WNK1: variants seen among roughly 807,000 people sequenced by gnomAD.
WNK1 encodes serine/threonine-protein kinase WNK1.
A neutral mutation model predicts 222.8 loss-of-function variants in WNK1; 38 were observed. The ratio of observed to expected loss-of-function variants is 0.17; its 90% CI spans 0.13 to 0.22. The LOEUF is 0.22. Among genes scored for constraint, WNK1 ranks in the 10% least tolerant of loss-of-function variants. The pLI is 1.00. For missense variants in WNK1, 2,348 were observed against 2,918.4 expected, an observed-to-expected ratio of 0.80 and a Z score of 4.50; for synonymous variants, 1,090 against 1,092.9, an observed-to-expected ratio of 1.00 and a Z score of 0.05.
At chr12:842,990 T>C (rs1451586307) in intron 4 of WNK1, among the ~76,000 whole-genome samples, 1 of 152,156 alleles carries the variant, frequency 6.6e-6, no homozygotes, top group Non-Finnish European at 1.5e-5. Context: ...GGTTGGAATG[T>C]AGTGGCATGA....
Position 880,845 on chromosome 12 carries a change from C to T in WNK1, c.2957C>T (p.Ala986Val). The change falls in exon 12 of 28, where the codon GCT (alanine) becomes GTT (valine). Residue 986 changes from alanine (A) to valine (V), a missense_variant. Around this residue, in one of 13 missense-constraint regions of WNK1, gnomAD observed 547 missense variants for 558.3 expected, o/e 0.98. Coordinates refer to ENST00000315939, the MANE Select transcript of WNK1 (RefSeq NM_018979.4). ...CCTCCCATGCCGACAGAAGTACTGG[C>T]TACACCTGGGTACTTTCCCACAGTG... ...LSPPMPTEVLATPGYFPTVVQ... is the reference protein window; with the variant it reads ...LSPPMPTEVLVTPGYFPTVVQ... The T allele has an allele frequency of 3.1e-6, 5 of 1,614,108 alleles. No homozygotes were observed. The highest frequency in any genetic ancestry group is 4.2e-6 in the Non-Finnish European group (5 of 1,180,022).
chr12:770,765 T>C (rs1277475154), intron 1 of WNK1, among the ~76,000 whole-genome samples: 1 of 152,234 alleles, frequency 6.6e-6, no homozygotes, highest in Non-Finnish European at 1.5e-5. Flanking sequence ...TTAAGAAAAT[T>C]GGAATCCTCA....
Position 900,492 on chromosome 12 carries a change from G to C in WNK1, c.6465G>C (p.Gln2155His). Residue 2155 changes from glutamine to histidine, a missense_variant, in exon 26 of 28, where the codon CAG becomes CAC. Coordinates refer to ENST00000315939, the MANE Select transcript of WNK1 (RefSeq NM_018979.4). ...TTTTGGCAGGTAACCTGTCTGGTCA[G>C]AGTGCAGCTTCAGTCTTGCACCCCC... ...SPQLSGNLSG[Q>H]SAASVLHPQQ... 1 of 1,614,214 alleles carries C rather than the reference G, an allele frequency of 6.2e-7. No homozygotes were observed. Among genetic ancestry groups the C allele is most frequent in the Non-Finnish European group, 8.5e-7 (1 of 1,180,024 alleles).
intron 4 of WNK1, among the ~76,000 whole-genome samples, chr12:849,739 C>G (rs1188521987): frequency 1.3e-5 from 2 of 151,916 alleles, no homozygotes; most frequent in Admixed American, 1.3e-4. Context: ...CACAACAGGC[C>G]CCGGTGTGTG....
chr12:813,956 C>T (rs1947118268), intron 2 of WNK1, 142 bp downstream of exon 2: 2 of 869,830 alleles, frequency 2.3e-6, no homozygotes, highest in East Asian at 2.7e-5. Flanking sequence ...TAGCATATTT[C>T]CTTGCCCACA....
intron 1 of WNK1, among the ~76,000 whole-genome samples, chr12:757,355 CT>C (rs1940254314): frequency 2.4e-5 from 3 of 124,668 alleles, no homozygotes; most frequent in South Asian, 2.7e-4. Flanking sequence ...GAGACGGAGT[CT>C]TGCTCTATCT....
At chr12:855,011 G>A (rs1950677274) in intron 4 of WNK1, among the ~76,000 whole-genome samples, 1 of 152,166 alleles carries the variant, frequency 6.6e-6, no homozygotes, top group Non-Finnish European at 1.5e-5. Flanking sequence ...CCACAGACGT[G>A]GAAACCATGA....
At chr12:908,198 C>A in intron 27 of WNK1, 164 bp downstream of exon 27, 1 of 965,316 alleles carries the variant, frequency 1.0e-6, no homozygotes, top group Non-Finnish European at 1.6e-6. Context: ...TTTTTCCTTC[C>A]CTGAATTCCT....
At chr12:816,446 A>AT (rs1434467690) in intron 2 of WNK1, among the ~76,000 whole-genome samples, 4 of 147,028 alleles carry the variant, frequency 2.7e-5, no homozygotes, top group African/African-American at 7.3e-5. Context: ...ATAAAAAAAC[A>AT]ATTTTTTTTT....
At chr12:780,179 A>T (rs1245893955) in intron 1 of WNK1, among the ~76,000 whole-genome samples, 1 of 152,162 alleles carries the variant, frequency 6.6e-6, no homozygotes, top group Non-Finnish European at 1.5e-5. Context: ...TTCCGTTTTA[A>T]CTTCTGTCCT....
intron 1 of WNK1, among the ~76,000 whole-genome samples, chr12:767,234 G>GTTTTTTTTTTTTTTTT (rs71051382): frequency 4.2e-5 from 3 of 70,858 alleles, no homozygotes; most frequent in African/African-American, 1.9e-4. Flanking sequence ...GGGTTGATAG[G>GTTTTTTTTTTTTTTTT]TTTTTTTTTT....
chr12:876,408 C>A (rs1388107307), intron 9 of WNK1, among the ~76,000 whole-genome samples: 4 of 148,922 alleles, frequency 2.7e-5, no homozygotes, highest in African/African-American at 7.4e-5. Context: ...GACTCCGTGT[C>A]AAAAAAAAAG....
Position 897,596 on chromosome 12 carries a change from A to G in WNK1, c.6363A>G (p.Ser2121=). The G allele has an allele frequency of 1.2e-6, 2 of 1,614,152 alleles. No individual in the cohort carries two copies. The highest frequency in any genetic ancestry group is 1.7e-6 in the Non-Finnish European group (2 of 1,180,018). ...TTATTCCCCCAGCTGCTCCCCTTTC[A>G]GGGAGAAGACGACGACCCACTAAAA... ...AVIIPPAAPL[S]GRRRRPTKSK... Residue 2121 remains serine, a synonymous_variant, in exon 25 of 28, where the codon TCA becomes TCG. Transcript: ENST00000315939.
At chr12:823,404 T>C (rs1475023281) in intron 2 of WNK1, among the ~76,000 whole-genome samples, 1 of 152,202 alleles carries the variant, frequency 6.6e-6, no homozygotes, top group East Asian at 1.9e-4. Flanking sequence ...AGGACTCCCA[T>C]TGTGTATATT....
At chr12:879,451 T>TTA in intron 10 of WNK1, 122 bp from the exon 11 acceptor site, 1 of 719,760 alleles carries the variant, frequency 1.4e-6, no homozygotes, top group Non-Finnish European at 2.2e-6. Context: ...TTGGTGTTTT[T>TTA]TTTTTTGTTT....
At chr12:758,011 G>GT (rs1393218693) in intron 1 of WNK1, among the ~76,000 whole-genome samples, 1 of 137,938 alleles carries the variant, frequency 7.2e-6, no homozygotes, top group Non-Finnish European at 1.6e-5. Context: ...CTCCAGCCTG[G>GT]GTGACAGGGT....
intron 1 of WNK1, among the ~76,000 whole-genome samples, chr12:798,541 CT>C (rs1290546939): frequency 6.6e-6 from 1 of 152,170 alleles, no homozygotes; most frequent in Non-Finnish European, 1.5e-5. Context: ...TATATCGAGT[CT>C]TCTGCCTTCC....
chr12:899,297 A>C (rs1045247198), intron 25 of WNK1, among the ~76,000 whole-genome samples: 1 of 28,688 alleles, frequency 3.5e-5, no homozygotes, highest in Non-Finnish European at 7.5e-5. Flanking sequence ...TCCCAATCAG[A>C]TCTTTTTTGT....
At chr12:889,020 A>C in intron 20 of WNK1, 120 bp from the exon 21 acceptor site, 1 of 829,012 alleles carries the variant, frequency 1.2e-6, no homozygotes, top group Admixed American at 1.7e-5. Context: ...TGTTCCATAA[A>C]GACAAATGTT....
Sources: gnomAD v4.1 joint callset for allele counts (sites outside exome capture counted in the v4.1 genomes callset) on GRCh38, gnomAD v4.1.1 for gene constraint, gnomAD v4.1.1 regional missense constraint, MANE v1.5 for transcripts, NCBI Gene and HGNC (gene_info 2026-07-23, HGNC 2026-07-21) for gene names.